CACNA2D1: variants seen among roughly 807,000 people sequenced by gnomAD.
The protein encoded by CACNA2D1 is calcium voltage-gated channel auxiliary subunit alpha2delta 1.
A neutral mutation model predicts 171.5 loss-of-function variants in CACNA2D1; 53 were observed. The observed-to-expected ratio is 0.31, with a 90% confidence interval of 0.25 to 0.39. The LOEUF (loss-of-function observed/expected upper bound fraction) is 0.39. Among genes scored for constraint, CACNA2D1 ranks in the 10% least tolerant of loss-of-function variants. The pLI is 1.00. For missense variants in CACNA2D1, 903 were observed against 1,299.8 expected (o/e 0.69, Z 4.69); for synonymous variants, 442 against 443.1 (o/e 1.00, Z 0.03).
intron 3 of CACNA2D1, among the ~76,000 whole-genome samples, chr7:82,332,546 G>GAAAC (rs1817474690): frequency 7.5e-6 from 1 of 133,314 alleles, no homozygotes; most frequent in Non-Finnish European, 1.7e-5. Context: ...AAGAAAGAAA[G>GAAAC]AAAGAAAGAA....
chr7:82,370,620 T>C (rs1305866827), intron 1 of CACNA2D1, among the ~76,000 whole-genome samples: 1 of 151,870 alleles, frequency 6.6e-6, no homozygotes, highest in Non-Finnish European at 1.5e-5. Flanking sequence ...GAAATAGATA[T>C]AAGTAGATAC....
intron 3 of CACNA2D1, among the ~76,000 whole-genome samples, chr7:82,192,557 A>T (rs1798439794): frequency 6.6e-6 from 1 of 151,150 alleles, no homozygotes; most frequent in Admixed American, 6.6e-5. Context: ...CTTGAGAAAT[A>T]TCTGTGTATA....
intron 3 of CACNA2D1, among the ~76,000 whole-genome samples, chr7:82,220,005 T>C (rs2129245784): frequency 6.6e-6 from 1 of 152,262 alleles, no homozygotes; most frequent in African/African-American, 2.4e-5. Flanking sequence ...ACTGTTTTTT[T>C]CCATTAAAAA....
chr7:81,962,407 T>G lies in CACNA2D1; in HGVS notation c.2836+33A>C, dbSNP rs758730711. On this transcript the variant is annotated intron_variant, in intron 35 of 38. Transcript: ENST00000356860. ...CATCCCAAAAGAAAATTTTTATTGT[T>G]ATGGCAATGACAAGGTCTGAGCATT... The G allele has an allele frequency of 4.6e-6, 7 of 1,534,890 alleles. No homozygotes were observed. In the Admixed American group the frequency reaches 6.9e-5, roughly 15 times the overall value.
In CACNA2D1 at chr7:82,230,144, G is replaced by C. The variant is rs181083375; in HGVS notation, c.295-59535C>G. Among the ~76,000 whole-genome samples the C allele has an allele frequency of 1.5e-3, 223 of 152,318 alleles. 5 individuals are homozygous for C. Among genetic ancestry groups the C allele is most frequent in the Non-Finnish European group, 8.4e-4 (57 of 68,038 alleles). On this transcript the variant is annotated intron_variant, in intron 3 of 38. Transcript: ENST00000356860. ...AGCACCAGGTGAAGGAACAGGTTGT[G>C]ACTAGAGTCCCTCCTTTGTGCTCCC...
chr7:82,002,253 C>T (rs1036621561), intron 18 of CACNA2D1, among the ~76,000 whole-genome samples: 2 of 152,158 alleles, frequency 1.3e-5, no homozygotes, highest in South Asian at 2.1e-4. Flanking sequence ...GAGAGAGACA[C>T]GTCTCACCCC....
chr7:82,049,126 T>TA (rs10652736), intron 10 of CACNA2D1, among the ~76,000 whole-genome samples: 70,436 of 138,944 alleles, frequency 0.51, 20,244 homozygotes, highest in Non-Finnish European at 0.63. Flanking sequence ...TGGCAACTCA[T>TA]AAAAAAAAAA....
At chr7:81,967,138 A>C in intron 31 of CACNA2D1, 31 bp downstream of exon 31, 2 of 1,540,376 alleles carry the variant, frequency 1.3e-6, no homozygotes, top group Non-Finnish European at 1.8e-6. Flanking sequence ...GAAATATTGT[A>C]CTCAAAAGTG....
intron 4 of CACNA2D1, among the ~76,000 whole-genome samples, chr7:82,162,815 C>T (rs888583452): frequency 6.6e-6 from 1 of 151,886 alleles, no homozygotes; most frequent in African/African-American, 2.4e-5. Flanking sequence ...CCTCAGTCCC[C>T]GGGGTCAGCT....
intron 12 of CACNA2D1, among the ~76,000 whole-genome samples, chr7:82,014,720 C>T (rs576895375): frequency 1.3e-5 from 2 of 152,238 alleles, no homozygotes; most frequent in Admixed American, 1.3e-4. Context: ...ATATTCCAAT[C>T]CTCAGGCAGG....
chr7:82,061,741 C>G (rs1484786269), intron 9 of CACNA2D1, among the ~76,000 whole-genome samples: 1 of 152,062 alleles, frequency 6.6e-6, no homozygotes, highest in East Asian at 1.9e-4. Flanking sequence ...AGGGATTTTT[C>G]AAAGACAGTT....
chr7:81,987,513 T>C lies in CACNA2D1; in HGVS notation c.1797-2802A>G, dbSNP rs114001717. On this transcript the variant is annotated intron_variant, in intron 21 of 38. Transcript: ENST00000356860. The stretch of plus-strand genomic sequence containing the variant: ...CTCTAAAAAAAGAGAAAGCATCCTA[T>C]TAAAATAATTTATTACATTTCAAAA... Among the ~76,000 whole-genome samples, 559 of 152,300 alleles carry C rather than the reference T, an allele frequency of 3.7e-3. 5 individuals carry two copies. Among genetic ancestry groups the C allele is most frequent in the African/African-American group, 0.013 (533 of 41,582 alleles).
intron 4 of CACNA2D1, among the ~76,000 whole-genome samples, chr7:82,164,428 G>T (rs1221657025): frequency 6.9e-6 from 1 of 143,918 alleles, no homozygotes; most frequent in Non-Finnish European, 1.6e-5. Context: ...AACATTGTTA[G>T]ACAAAAAATC....
At chr7:82,398,175 C>A (rs1000522584) in intron 1 of CACNA2D1, among the ~76,000 whole-genome samples, 3 of 152,252 alleles carry the variant, frequency 2.0e-5, no homozygotes, top group African/African-American at 7.2e-5. Flanking sequence ...AGCCTTAGAG[C>A]CCCAGTCCTA....
intron 4 of CACNA2D1, among the ~76,000 whole-genome samples, chr7:82,142,432 T>C (rs934360382): frequency 1.7e-4 from 26 of 152,302 alleles, no homozygotes; most frequent in African/African-American, 6.0e-4. Flanking sequence ...GCCCCTTGCA[T>C]GCCACTTGCT....
intron 36 of CACNA2D1, among the ~76,000 whole-genome samples, chr7:81,960,993 T>A (rs1794049565): frequency 6.6e-6 from 1 of 152,028 alleles, no homozygotes; most frequent in Non-Finnish European, 1.5e-5. Context: ...TGACCACGTC[T>A]CCTAAAAATT....
At chr7:82,167,314 A>G (rs566823314) in intron 4 of CACNA2D1, among the ~76,000 whole-genome samples, 2 of 152,200 alleles carry the variant, frequency 1.3e-5, no homozygotes, top group East Asian at 3.9e-4. Context: ...CTTTCACAAA[A>G]CAAGAGATTT....
chr7:81,968,111 T>G (rs1794900049), intron 29 of CACNA2D1, among the ~76,000 whole-genome samples: 1 of 151,278 alleles, frequency 6.6e-6, no homozygotes, highest in South Asian at 2.1e-4. Context: ...TAGTAAGTAA[T>G]TGAGCAATTG....
chr7:82,192,736 T>C (rs1321652412), intron 3 of CACNA2D1, among the ~76,000 whole-genome samples: 1 of 149,370 alleles, frequency 6.7e-6, no homozygotes, highest in African/African-American at 2.5e-5. Context: ...GCTATTAACC[T>C]GAGCAGCTGT....
Sources: allele counts gnomAD v4.1 joint callset (sites outside exome capture counted in the v4.1 genomes callset), GRCh38; gene constraint gnomAD v4.1.1; transcripts MANE v1.5; gene names NCBI Gene and HGNC (gene_info 2026-07-23, HGNC 2026-07-21).